Variants in GLIS3 observed in about 807,000 individuals in gnomAD.
GLIS3 encodes GLIS family zinc finger 3, also known as zinc finger protein GLIS3.
A neutral mutation model predicts 78.6 loss-of-function variants in GLIS3; 53 were observed. The ratio of observed to expected loss-of-function variants is 0.67; its 90% confidence interval spans 0.54 to 0.85. The LOEUF (loss-of-function observed/expected upper bound fraction) is 0.85. Ranked by LOEUF, GLIS3 falls within the 40% of genes least tolerant of loss-of-function variation. GLIS3 has a pLI of 0.00. For synonymous variants in GLIS3, 684 were observed against 509.9 expected (o/e 1.34, Z -4.60); for missense variants, 1,703 against 1,231.1 (o/e 1.38, Z -5.74).
chr9:4,138,898 G>C (rs1833602470), intron 2 of GLIS3, among the ~76,000 whole-genome samples: 1 of 152,116 alleles, frequency 6.6e-6, no homozygotes, highest in East Asian at 1.9e-4. Flanking sequence ...GCACCCCAAA[G>C]AGCTACAGTA....
intron 2 of GLIS3, among the ~76,000 whole-genome samples, chr9:4,183,058 C>G (rs138983281): frequency 6.6e-6 from 1 of 152,216 alleles, no homozygotes; most frequent in Non-Finnish European, 1.5e-5. Context: ...GGCCCACGTG[C>G]TGTCTGGAAG....
rs1046630068 is a variant in GLIS3 at position 3,824,198 on chromosome 9, A to C, written c.*4074T>G. ...TGTTTTATTTATGGACACTCCCAAC[A>C]TGTAAAGGACTCAGGGAGACATTCA... On this transcript the variant is annotated 3_prime_UTR_variant, in exon 11 of 11. Coordinates refer to ENST00000381971, the MANE Select transcript of GLIS3 (RefSeq NM_001042413.2). 7 of 152,642 alleles carry C rather than the reference A, an allele frequency of 4.6e-5. No individual in the cohort carries two copies. Among genetic ancestry groups the C allele is most frequent in the Non-Finnish European group, 5.9e-5 (4 of 68,040 alleles). 9.5% of individuals were successfully genotyped at this position (152,642 alleles called of 1,614,324 possible). A position where few individuals can be genotyped will look rare whatever the true frequency, so the allele number is the denominator to read the frequency against.
the GLIS3 span, among the ~76,000 whole-genome samples, chr9:4,395,046 G>T: frequency 6.6e-6 from 1 of 152,186 alleles, no homozygotes; most frequent in African/African-American, 2.4e-5. Context: ...TATCTATAAT[G>T]GTGTACAATG....
chr9:3,853,008 A>G (rs1819531139), intron 9 of GLIS3, among the ~76,000 whole-genome samples: 1 of 152,184 alleles, frequency 6.6e-6, no homozygotes, highest in Non-Finnish European at 1.5e-5. Flanking sequence ...CAAGAGTTCA[A>G]GACCAGCCTG....
At chr9:4,002,439 A>G (rs1821185080) in intron 4 of GLIS3, among the ~76,000 whole-genome samples, 1 of 152,212 alleles carries the variant, frequency 6.6e-6, no homozygotes, top group African/African-American at 2.4e-5. Context: ...TAATTCACCT[A>G]CTGAGTAGGC....
chr9:4,314,390 T>C (rs116812269), intron 2 of GLIS3, among the ~76,000 whole-genome samples: 63 of 152,338 alleles, frequency 4.1e-4, no homozygotes, highest in African/African-American at 1.5e-3. Context: ...TTACTCTTTG[T>C]TCAACTTCCC....
the GLIS3 span, among the ~76,000 whole-genome samples, chr9:4,367,443 C>T: frequency 1.3e-5 from 2 of 151,966 alleles, no homozygotes; most frequent in African/African-American, 4.8e-5. Context: ...GGTCTTCCTG[C>T]TTGATCCCCC....
chr9:4,017,455 T>G (rs765516225), intron 4 of GLIS3, among the ~76,000 whole-genome samples: 1 of 151,718 alleles, frequency 6.6e-6, no homozygotes, highest in South Asian at 2.1e-4. Context: ...CACACACACA[T>G]GAGCGCGCGT....
chr9:4,050,128 G>A (rs747822455), intron 4 of GLIS3, among the ~76,000 whole-genome samples: 7 of 151,926 alleles, frequency 4.6e-5, no homozygotes, highest in South Asian at 4.1e-4. Flanking sequence ...AAATCATGCC[G>A]CTATAAAGAC....
chr9:4,459,952 A>G, the GLIS3 span, among the ~76,000 whole-genome samples: 1 of 152,262 alleles, frequency 6.6e-6, no homozygotes, highest in African/African-American at 2.4e-5. Context: ...AGGGAATGAC[A>G]CAGATGACCT....
chr9:4,365,600 T>C, the GLIS3 span, among the ~76,000 whole-genome samples: 1 of 151,828 alleles, frequency 6.6e-6, no homozygotes, highest in East Asian at 1.9e-4. Context: ...AAATCAAACA[T>C]AATAAAAACC....
intron 1 of GLIS3, among the ~76,000 whole-genome samples, chr9:4,298,182 G>A (rs1816753845): frequency 6.6e-6 from 1 of 152,042 alleles, no homozygotes; most frequent in Admixed American, 6.5e-5. Flanking sequence ...TGCGCGCGCT[G>A]CCCGGCCTGG....
intron 7 of GLIS3, among the ~76,000 whole-genome samples, chr9:3,893,749 T>C (rs1822613926): frequency 6.6e-6 from 1 of 152,214 alleles, no homozygotes; most frequent in African/African-American, 2.4e-5. Flanking sequence ...GGGAACTTGT[T>C]AGAACTGTCT....
the GLIS3 span, among the ~76,000 whole-genome samples, chr9:4,401,762 T>C: frequency 6.6e-6 from 1 of 151,700 alleles, no homozygotes; most frequent in African/African-American, 2.4e-5. Context: ...CAGCTAATTT[T>C]TTTTTTCATA....
intron 3 of GLIS3, among the ~76,000 whole-genome samples, chr9:4,121,991 A>G (rs1211304932): frequency 6.6e-6 from 1 of 152,236 alleles, no homozygotes; most frequent in Non-Finnish European, 1.5e-5. Flanking sequence ...CCATTTCCAT[A>G]TGCTCATCTG....
intron 4 of GLIS3, among the ~76,000 whole-genome samples, chr9:3,945,234 C>T (rs1269146542): frequency 6.6e-6 from 1 of 152,160 alleles, no homozygotes; most frequent in African/African-American, 2.4e-5. Flanking sequence ...TACCACATAG[C>T]CAACTATAAT....
At chr9:4,347,508 A>G (rs1272727062) in intron 1 of GLIS3, among the ~76,000 whole-genome samples, 2 of 152,224 alleles carry the variant, frequency 1.3e-5, no homozygotes, top group Non-Finnish European at 2.9e-5. Context: ...CACCCACTCC[A>G]GATCAAGTGA....
Position 4,237,301 on chromosome 9 carries a change from T to C in GLIS3, c.388+48737A>G, listed in dbSNP as rs373823496. Among the ~76,000 whole-genome samples, 16 of 152,190 alleles carry C rather than the reference T, an allele frequency of 1.1e-4. No homozygotes were observed. In the East Asian group the frequency reaches 2.3e-3, roughly 22 times the overall value. On this transcript the variant is annotated intron_variant, in intron 2 of 10. Transcript: ENST00000381971. ...ACAGTACAGTCTCTAGACGGAATAT[T>C]ACACAGCCACAAAAATGATGACACA...
intron 4 of GLIS3, among the ~76,000 whole-genome samples, chr9:4,026,756 T>G (rs577812): frequency 0.034 from 5,137 of 152,322 alleles, 277 homozygotes; most frequent in African/African-American, 0.12. Flanking sequence ...CCAATATCAT[T>G]TTATCCATTC....
Sources: gnomAD v4.1 joint callset for allele counts (sites outside exome capture counted in the v4.1 genomes callset) on GRCh38, gnomAD v4.1.1 for gene constraint, MANE v1.5 for transcripts, NCBI Gene and HGNC (gene_info 2026-07-23, HGNC 2026-07-21) for gene names.